RNASET2: variants seen among roughly 807,000 people sequenced by gnomAD.
RNASET2 encodes ribonuclease T2.
RNASET2 carries 28 observed loss-of-function variants against 33.9 expected under a neutral mutation model. The ratio of observed to expected loss-of-function variants is 0.83; its 90% confidence interval spans 0.61 to 1.13. RNASET2 has a LOEUF of 1.13. Ranked by LOEUF, RNASET2 falls within the 50% of genes most tolerant of loss-of-function variation. The pLI, the probability that RNASET2 is intolerant of heterozygous loss-of-function variation, is 0.00. For missense variants in RNASET2, 330 were observed against 319.9 expected (o/e 1.03, Z -0.24); for synonymous variants, 123 against 121.0 (o/e 1.02, Z -0.11).
At chr6:166,955,254 CACGCACACACACACACGCGCACACACG>C (rs1283969927) in intron 1 of RNASET2, among the ~76,000 whole-genome samples, 5 of 114,178 alleles carry the variant, frequency 4.4e-5, no homozygotes, top group South Asian at 2.7e-4. Context: ...CACACGCACA[CACGCACACACACACACGCGCACACACG>C]ACACACACGC....
At chr6:166,939,048 A>C in intron 5 of RNASET2, 40 bp from the exon 6 acceptor site, 1 of 1,471,176 alleles carries the variant, frequency 6.8e-7, no homozygotes, top group Admixed American at 1.7e-5. Context: ...AAAGTAGTGA[A>C]ACAGGCTGCG....
In RNASET2 at chr6:166,924,777, A is replaced by C. The variant is rs1223483776; in HGVS notation, c.*4811T>G. Among the ~76,000 whole-genome samples the C allele has an allele frequency of 6.6e-6, 1 of 152,140 alleles. No individual in the cohort carries two copies. Among genetic ancestry groups the C allele is most frequent in the Non-Finnish European group, 1.5e-5 (1 of 68,030 alleles). On this transcript the variant is annotated 3_prime_UTR_variant, in exon 9 of 9. Transcript: ENST00000508775. ...AGACCAGCGTGACCAACATGGAGAA[A>C]ACCCATCTCTACTAAAAATACAAAA...
Position 166,931,206 on chromosome 6 carries a change from G to A in RNASET2, c.493-88C>T, listed in dbSNP as rs903684641. 7.3e-6 allele frequency: 7 copies of A among 953,136 alleles called. No homozygotes were observed. The Admixed American group carries it at 1.2e-4, about 16-fold the overall frequency. The allele number at this position is 953,136 out of a possible 1,614,324, so 59.0% of individuals were successfully genotyped here. On this transcript the variant is annotated intron_variant, in intron 7 of 8. Transcript: ENST00000508775. ...ACTATCCTGAGCGCAACAGTGGCAGGGTCCTGGTCTCCCTTGGCTGGCAGG... is the reference window on the plus strand; with the variant it reads ...ACTATCCTGAGCGCAACAGTGGCAGAGTCCTGGTCTCCCTTGGCTGGCAGG...
rs1046694633 is a variant in RNASET2 at position 166,949,996 on chromosome 6, A to G, written c.148-1371T>C. On this transcript the variant is annotated intron_variant, in intron 2 of 8. Coordinates refer to ENST00000508775, the MANE Select transcript of RNASET2 (RefSeq NM_003730.6). ...CCCAGTAGGAAATACACTCCTTAAC[A>G]AGGACATTTTGCTACAGATTTTTTT... Among the ~76,000 whole-genome samples the G allele has an allele frequency of 2.0e-5, 3 of 152,224 alleles. 1 individual carries two copies. The highest frequency in any genetic ancestry group is 7.2e-5 in the African/African-American group (3 of 41,452).
Position 166,955,313 on chromosome 6 carries a change from A to G in RNASET2, c.86+784T>C, listed in dbSNP as rs1298828059. On this transcript the variant is annotated intron_variant, in intron 1 of 8. Transcript: ENST00000508775. The stretch of plus-strand genomic sequence containing the variant: ...ACGCACAGACGCGCACACACGACAC[A>G]CACGCACACACACGCACGCACGCAC... Among the ~76,000 whole-genome samples the G allele has an allele frequency of 3.1e-3, 162 of 53,008 alleles. 4 individuals carry two copies. The highest frequency in any genetic ancestry group is 0.016 in the African/African-American group (146 of 8,934). The allele number at this position is 53,008 out of a possible 152,430, so 34.8% of individuals were successfully genotyped here.
In RNASET2 at chr6:166,927,386, T is replaced by C. The variant is rs1778322826; in HGVS notation, c.*2202A>G. Among the ~76,000 whole-genome samples the C allele has an allele frequency of 6.6e-6, 1 of 152,148 alleles. No homozygotes were observed. Among genetic ancestry groups the C allele is most frequent in the African/African-American group, 2.4e-5 (1 of 41,424 alleles). The stretch of plus-strand genomic sequence containing the variant: ...CATCCAGCCCCTCACCAGTGCCTTC[T>C]TCCATTTAGCTGACGTGACAATGGC... On this transcript the variant is annotated 3_prime_UTR_variant, in exon 9 of 9. Coordinates refer to ENST00000508775, the MANE Select transcript of RNASET2 (RefSeq NM_003730.6).
Position 166,955,213 on chromosome 6 carries a change from GCACA to G in RNASET2, c.86+880_86+883del, listed in dbSNP as rs1158168616. ...CGCACACACGCACGCACACACGCAC[GCACA>G]CACGCGCACACACGCACGCACGCAC... On this transcript the variant is annotated intron_variant, in intron 1 of 8. Transcript: ENST00000508775. 3.9e-5 allele frequency among the ~76,000 whole-genome samples: 3 copies of G among 76,510 alleles called. No individual in the cohort carries two copies. In the East Asian group the frequency reaches 1.6e-3, roughly 41 times the overall value. 50.2% of individuals were successfully genotyped at this position (76,510 alleles called of 152,430 possible). A position where few individuals can be genotyped will look rare whatever the true frequency, so the allele number is the denominator to read the frequency against.
intron 5 of RNASET2, among the ~76,000 whole-genome samples, chr6:166,940,613 C>A (rs537340839): frequency 3.3e-5 from 5 of 152,238 alleles, no homozygotes; most frequent in South Asian, 4.2e-4. Flanking sequence ...GAAAACAGTT[C>A]CTGGCTCACA....
intron 1 of RNASET2, among the ~76,000 whole-genome samples, chr6:166,955,081 TA>T (rs1317141532): frequency 6.6e-6 from 1 of 152,122 alleles, no homozygotes; most frequent in Non-Finnish European, 1.5e-5. Flanking sequence ...TAGAAAGAAA[TA>T]ATATGGTATT....
Position 166,939,391 on chromosome 6 carries a change from C to T in RNASET2, c.333-383G>A, listed in dbSNP as rs115589145. On this transcript the variant is annotated intron_variant, in intron 5 of 8. Transcript: ENST00000508775. The stretch of plus-strand genomic sequence containing the variant: ...TGCTCAAGCATGTTTTCTCTCAGCA[C>T]AGACTATTCCCATGTGGTAGGCATG... 3.6e-3 allele frequency among the ~76,000 whole-genome samples: 550 copies of T among 152,280 alleles called. 3 individuals carry two copies. The highest frequency in any genetic ancestry group is 0.013 in the African/African-American group (521 of 41,546).
rs1397637324 is a variant in RNASET2, at chr6:166,926,542, AAAAAAAGAAAAG to A, written c.*3034_*3045del. Among the ~76,000 whole-genome samples the A allele has an allele frequency of 3.3e-5, 5 of 151,486 alleles. No individual in the cohort carries two copies. Among genetic ancestry groups the A allele is most frequent in the Non-Finnish European group, 7.4e-5 (5 of 67,890 alleles). ...GAGTGAGACTCAGTCTCAAAAAAAAAAAAAAAGAAAAGAAAAGAAAAGATATCTAGTTCTGAA... is the reference window on the plus strand; with the variant it reads ...GAGTGAGACTCAGTCTCAAAAAAAAAAAAAGAAAAGATATCTAGTTCTGAA... On this transcript the variant is annotated 3_prime_UTR_variant, in exon 9 of 9. Transcript: ENST00000508775.
At chr6:166,952,570 ATTTTTCAAGAACT>A in intron 1 of RNASET2, 22 bp from the exon 2 acceptor site, 1 of 1,595,160 alleles carries the variant, frequency 6.3e-7, no homozygotes, top group African/African-American at 1.3e-5. Context: ...TAAGAAACTT[ATTTTTCAAGAACT>A]TTTTTTAAAG....
intron 2 of RNASET2, among the ~76,000 whole-genome samples, chr6:166,949,381 G>A (rs950861519): frequency 7.3e-5 from 11 of 150,282 alleles, no homozygotes; most frequent in African/African-American, 2.4e-4. Context: ...GGCTCCTACA[G>A]TTCCAGCTCC....
At chr6:166,955,880 C>T (rs980398987) in intron 1 of RNASET2, 73 of 707,996 alleles carry the variant, frequency 1.0e-4, no homozygotes, top group Non-Finnish European at 1.2e-4. Flanking sequence ...CTAAGGGCTC[C>T]CCCCAACCCA....
chr6:166,944,341 C>T (rs1778774351), intron 4 of RNASET2, among the ~76,000 whole-genome samples: 1 of 151,978 alleles, frequency 6.6e-6, no homozygotes. Flanking sequence ...GATAACTTCA[C>T]TTTCCTTCCC....
chr6:166,935,952 C>T (rs922080608), intron 6 of RNASET2, among the ~76,000 whole-genome samples: 3 of 152,126 alleles, frequency 2.0e-5, no homozygotes, highest in African/African-American at 4.8e-5. Context: ...GGATTACAGG[C>T]GTGAACCACT....
chr6:166,952,491 G>A lies in RNASET2; in HGVS notation c.144C>T (p.Cys48=), dbSNP rs781133215. 7 of 1,613,322 alleles carry A rather than the reference G, an allele frequency of 4.3e-6. No individual in the cohort carries two copies. Among genetic ancestry groups the A allele is most frequent in the East Asian group, 4.5e-5 (2 of 44,898 alleles). Residue 48 remains cysteine (C), a synonymous_variant, in exon 2 of 9, where the codon TGC becomes TGT. Coordinates refer to ENST00000508775, the MANE Select transcript of RNASET2 (RefSeq NM_003730.6). ...CCGTCAAGGCAGAAACACTCACCTC[G>A]CATACTGTCTCAGGCCAGTGCTGAA... ...IMVQHWPETV[C]EKIQNDCRDP...
In RNASET2 at chr6:166,925,188, GC is replaced by G. The variant is rs2128642768; in HGVS notation, c.*4399del. Among the ~76,000 whole-genome samples the G allele has an allele frequency of 6.9e-6, 1 of 144,792 alleles. No homozygotes were observed. The highest frequency in any genetic ancestry group is 2.2e-4 in the South Asian group (1 of 4,448). 95.0% of individuals were successfully genotyped at this position (144,792 alleles called of 152,430 possible). A position where few individuals can be genotyped will look rare whatever the true frequency, so the allele number is the denominator to read the frequency against. ...CTCCTGCCGCCCAGCCCTCACTCCT[GC>G]CGCCCAGCCCTCACCTCTGCTGTCC... is the stretch of plus-strand genomic sequence containing the variant. On this transcript the variant is annotated 3_prime_UTR_variant, in exon 9 of 9. Coordinates refer to ENST00000508775, the MANE Select transcript of RNASET2 (RefSeq NM_003730.6).
chr6:166,942,871 T>C (rs1778724511), intron 5 of RNASET2, 148 bp downstream of exon 5: 2 of 676,998 alleles, frequency 3.0e-6, no homozygotes, highest in Admixed American at 2.4e-5. Context: ...CAGAATCATA[T>C]CTCATAAAAG....
Sources: gnomAD v4.1 joint callset for allele counts (sites outside exome capture counted in the v4.1 genomes callset) on GRCh38, gnomAD v4.1.1 for gene constraint, MANE v1.5 for transcripts, NCBI Gene and HGNC (gene_info 2026-07-23, HGNC 2026-07-21) for gene names.